ZNF705G: variants seen among roughly 807,000 people sequenced by gnomAD.
The protein encoded by ZNF705G is putative zinc finger protein 705G.
In ZNF705G, 23 loss-of-function variants were observed where a neutral mutation model predicts 19.6. That is an observed-to-expected ratio of 1.17 (90% confidence interval 0.84 to 1.66). The LOEUF (loss-of-function observed/expected upper bound fraction) is 1.66, where lower values mean the gene tolerates loss of function less well. Among genes scored for constraint, ZNF705G ranks in the 40% most tolerant of loss-of-function variants. The pLI is 0.00. For missense variants in ZNF705G, 457 were observed against 354.4 expected (o/e 1.29, Z -2.32); for synonymous variants, 146 against 117.7 (o/e 1.24, Z -1.56).
rs573877059 is a variant in ZNF705G at position 7,365,072 on chromosome 8, C to T, written c.-71-2055G>A. 4.0e-3 allele frequency among the ~76,000 whole-genome samples: 601 copies of T among 149,234 alleles called. 70 individuals are homozygous for T. The highest frequency in any genetic ancestry group is 0.015 in the African/African-American group (563 of 38,716). On this transcript the variant is annotated intron_variant, in intron 2 of 6. Coordinates refer to ENST00000400156, the MANE Select transcript of ZNF705G (RefSeq NM_001164457.3). ...GGTCATATACAGACTGTGCCAGGGA[C>T]AAAGAAAGGACAAATATTATAAGAA...
At chr8:7,363,467 T>G (rs1231897925) in intron 2 of ZNF705G, among the ~76,000 whole-genome samples, 1 of 149,168 alleles carries the variant, frequency 6.7e-6, no homozygotes, top group African/African-American at 2.6e-5. Context: ...ACTCCACTTT[T>G]ATTTTCACTC....
chr8:7,380,046 G>A lies in ZNF705G; in HGVS notation c.-72+1406C>T, dbSNP rs1322822387. 2.1e-5 allele frequency among the ~76,000 whole-genome samples: 3 copies of A among 142,798 alleles called. 1 individual carries two copies. The highest frequency in any genetic ancestry group is 6.0e-5 in the African/African-American group (2 of 33,224). The allele number at this position is 142,798 out of a possible 152,430, so 93.7% of individuals were successfully genotyped here. A position where few individuals can be genotyped will look rare whatever the true frequency, so the allele number is the denominator to read the frequency against. ...GGTCCCCATCACTCTAGCCTACACA[G>A]TGTCCTACACTCCAGGGAACTGGCA... On this transcript the variant is annotated intron_variant, in intron 2 of 6. Coordinates refer to ENST00000400156, the MANE Select transcript of ZNF705G (RefSeq NM_001164457.3).
intron 2 of ZNF705G, among the ~76,000 whole-genome samples, chr8:7,368,765 G>C (rs944611059): frequency 6.7e-6 from 1 of 149,698 alleles, no homozygotes; most frequent in African/African-American, 2.6e-5. Flanking sequence ...GCAAGCACAG[G>C]ACAGTGCTCA....
intron 2 of ZNF705G, among the ~76,000 whole-genome samples, chr8:7,378,072 A>G: frequency 6.7e-6 from 1 of 149,998 alleles, no homozygotes. Flanking sequence ...GACATACAGC[A>G]GGGTGGGGGA....
In ZNF705G at chr8:7,369,859, C is replaced by T. The variant is rs1298491324; in HGVS notation, c.-71-6842G>A. ...ATTGGTTACACATGGACGTAAAGAT[C>T]AGAACAACAGATACTGGGAACTACT... On this transcript the variant is annotated intron_variant, in intron 2 of 6. Transcript: ENST00000400156. 2.0e-5 allele frequency among the ~76,000 whole-genome samples: 3 copies of T among 148,948 alleles called. No homozygotes were observed. In the East Asian group the frequency reaches 5.8e-4, roughly 29 times the overall value.
rs762154445 is a variant in ZNF705G, at chr8:7,358,256, G to T, written c.623C>A (p.Ala208Asp). The change falls in exon 7 of 7, where the codon GCC (alanine) becomes GAC (aspartate). Residue 208 changes from alanine (A) to aspartate (D), a missense_variant. Transcript: ENST00000400156. ...RPYACHLCRK[A>D]FTQCSHLRRH... is the part of the protein sequence containing the mutation. ...TCTAAGGTGAGAACACTGAGTGAAGGCTTTTCTACATAGATGACATGCATA... is the reference window on the plus strand; with the variant it reads ...TCTAAGGTGAGAACACTGAGTGAAGTCTTTTCTACATAGATGACATGCATA... The T allele has an allele frequency of 1.2e-6, 2 of 1,607,614 alleles. No individual in the cohort carries two copies. Among genetic ancestry groups the T allele is most frequent in the East Asian group, 2.2e-5 (1 of 44,858 alleles).
At chr8:7,362,303 G>C (rs1475850349) in intron 3 of ZNF705G, among the ~76,000 whole-genome samples, 2 of 149,670 alleles carry the variant, frequency 1.3e-5, no homozygotes, top group African/African-American at 2.6e-5. Flanking sequence ...AAAGTGAATG[G>C]GGATAAGAAT....
At chr8:7,364,009 A>G (rs1481264301) in intron 2 of ZNF705G, among the ~76,000 whole-genome samples, 1 of 149,434 alleles carries the variant, frequency 6.7e-6, no homozygotes, top group Non-Finnish European at 1.5e-5. Flanking sequence ...CTCAGAAAAT[A>G]CAAAATGACT....
intron 2 of ZNF705G, among the ~76,000 whole-genome samples, chr8:7,370,197 G>A (rs1487320640): frequency 6.8e-5 from 10 of 147,920 alleles, no homozygotes; most frequent in Non-Finnish European, 8.8e-5. Flanking sequence ...CGTGAACCTA[G>A]GAGGCGGAGC....
chr8:7,379,546 C>T (rs1160451645), intron 2 of ZNF705G, among the ~76,000 whole-genome samples: 1 of 147,092 alleles, frequency 6.8e-6, no homozygotes, highest in Non-Finnish European at 1.5e-5. Flanking sequence ...TGAAAGAGGG[C>T]ACTAGAATTC....
At chr8:7,380,650 C>G (rs1232477566) in intron 2 of ZNF705G, among the ~76,000 whole-genome samples, 2 of 146,340 alleles carry the variant, frequency 1.4e-5, no homozygotes, top group Admixed American at 6.6e-5. Flanking sequence ...CCTGCTATGA[C>G]TACTGCAATT....
rs1202279201 is a variant in ZNF705G at position 7,370,394 on chromosome 8, C to G, written c.-71-7377G>C. Among the ~76,000 whole-genome samples, 10 of 149,452 alleles carry G rather than the reference C, an allele frequency of 6.7e-5. No individual in the cohort carries two copies. In the East Asian group the frequency reaches 1.9e-3, roughly 29 times the overall value. ...TCATCAGGGGGATGTAAATAAAAAC[C>G]ACCATGAAATATCACCTGATAGAAT... On this transcript the variant is annotated intron_variant, in intron 2 of 6. Transcript: ENST00000400156.
rs1054384645 is a variant in ZNF705G, at chr8:7,369,712, C to T, written c.-71-6695G>A. On this transcript the variant is annotated intron_variant, in intron 2 of 6. Coordinates refer to ENST00000400156, the MANE Select transcript of ZNF705G (RefSeq NM_001164457.3). ...TATATGTACACCATGGAATACTACA[C>T]AACCATAAAAAATTTATGTCCTTTG... Among the ~76,000 whole-genome samples, 5 of 149,668 alleles carry T rather than the reference C, an allele frequency of 3.3e-5. 1 individual carries two copies. Among genetic ancestry groups the T allele is most frequent in the African/African-American group, 1.3e-4 (5 of 39,052 alleles).
At chr8:7,371,303 G>T (rs1223117809) in intron 2 of ZNF705G, among the ~76,000 whole-genome samples, 4 of 124,976 alleles carry the variant, frequency 3.2e-5, no homozygotes, top group Non-Finnish European at 6.8e-5. Flanking sequence ...TGGTTGCCAG[G>T]GGCCGTGGTG....
rs577627783 is a variant in ZNF705G, at chr8:7,366,241, C to T, written c.-71-3224G>A. 1.4e-3 allele frequency among the ~76,000 whole-genome samples: 205 copies of T among 148,780 alleles called. 7 individuals carry two copies. The highest frequency in any genetic ancestry group is 3.7e-3 in the Admixed American group (57 of 15,208). On this transcript the variant is annotated intron_variant, in intron 2 of 6. Transcript: ENST00000400156. ...TATCTTGACAGGATTGCAAGCCTCT[C>T]ATGGCTTCCAACATCCAATATATTC... is the stretch of plus-strand genomic sequence containing the variant.
chr8:7,355,671 C>G lies in ZNF705G; in HGVS notation c.*2305G>C, dbSNP rs1262450991. 1 of 149,678 alleles carries G rather than the reference C, an allele frequency of 6.7e-6. No individual in the cohort carries two copies. Among genetic ancestry groups the G allele is most frequent in the Non-Finnish European group, 1.5e-5 (1 of 68,004 alleles). The allele number at this position is 149,678 out of a possible 1,614,324, so 9.3% of individuals were successfully genotyped here. A position where few individuals can be genotyped will look rare whatever the true frequency, so the allele number is the denominator to read the frequency against. On this transcript the variant is annotated 3_prime_UTR_variant, in exon 7 of 7. Coordinates refer to ENST00000400156, the MANE Select transcript of ZNF705G (RefSeq NM_001164457.3). ...GCTTTAATAATGGCTGGAGATCTGC[C>G]ACCATGCATTTGTCAAATCCCATAG... is the stretch of plus-strand genomic sequence containing the variant.
In ZNF705G at chr8:7,358,463, C is replaced by T. The variant is rs549978063; in HGVS notation, c.416G>A (p.Ser139Asn). Residue 139 changes from serine to asparagine, a missense_variant, in exon 7 of 7, where the codon AGT (serine) becomes AAT (asparagine). Transcript: ENST00000400156. Reference protein sequence around the residue: ...STITQCLLTHSGKKPYVSKQC... With the variant: ...STITQCLLTHNGKKPYVSKQC... ...TTTGCTGACATAGGGTTTCTTTCCA[C>T]TATGAGTTAACAAACACTGAGTTAT... 2.5e-6 allele frequency: 4 copies of T among 1,607,578 alleles called. No individual in the cohort carries two copies. Among genetic ancestry groups the T allele is most frequent in the African/African-American group, 2.8e-5 (2 of 71,244 alleles).
intron 2 of ZNF705G, among the ~76,000 whole-genome samples, chr8:7,371,339 G>C (rs1374135258): frequency 7.1e-6 from 1 of 140,312 alleles, no homozygotes; most frequent in Non-Finnish European, 1.5e-5. Context: ...GATGTGGTTA[G>C]AGCACAAAGT....
At chr8:7,359,844 G>A in intron 5 of ZNF705G, 143 bp from the exon 6 acceptor site, 8 of 1,283,594 alleles carry the variant, frequency 6.2e-6, no homozygotes, top group Non-Finnish European at 8.7e-6. Flanking sequence ...TTGAATAGAA[G>A]AAATAGATTG....
Sources: gnomAD v4.1 joint callset for allele counts (sites outside exome capture counted in the v4.1 genomes callset) on GRCh38, gnomAD v4.1.1 for gene constraint, MANE v1.5 for transcripts, NCBI Gene and HGNC (gene_info 2026-07-23, HGNC 2026-07-21) for gene names.